Variants in CLEC2A observed in about 807,000 individuals in gnomAD.
CLEC2A encodes C-type lectin domain family 2 member A.
A neutral mutation model predicts 18.6 loss-of-function variants in CLEC2A; 19 were observed. The ratio of observed to expected loss-of-function variants is 1.02; its 90% CI spans 0.71 to 1.50. CLEC2A has a LOEUF of 1.50. CLEC2A is among the 40% of genes most tolerant of loss of function. The probability of loss-of-function intolerance (pLI) is 0.00; values close to 1 mark genes in which losing one functional copy is unlikely to be tolerated. For missense variants in CLEC2A, 190 were observed against 207.9 expected (o/e 0.91, Z 0.53); for synonymous variants, 74 against 64.0 (o/e 1.16, Z -0.75).
At chr12:9,916,152 A>G (rs947630364) in intron 4 of CLEC2A, among the ~76,000 whole-genome samples, 2 of 151,908 alleles carry the variant, frequency 1.3e-5, no homozygotes, top group African/African-American at 2.4e-5. Context: ...ACAATCCTCA[A>G]CCATTTTAAC....
At chr12:9,920,200 C>T (rs1289650941) in intron 3 of CLEC2A, among the ~76,000 whole-genome samples, 1 of 152,180 alleles carries the variant, frequency 6.6e-6, no homozygotes, top group African/African-American at 2.4e-5. Context: ...CGCTGCTCAG[C>T]CTCCTGGATT....
intron 3 of CLEC2A, among the ~76,000 whole-genome samples, chr12:9,920,256 C>A: frequency 6.6e-6 from 1 of 152,074 alleles, no homozygotes; most frequent in South Asian, 2.1e-4. Context: ...CCTCCCTCTT[C>A]GCTGGAGTTT....
chr12:9,882,343 C>G, the CLEC2A span, among the ~76,000 whole-genome samples: 8 of 152,142 alleles, frequency 5.3e-5, no homozygotes, highest in Non-Finnish European at 1.2e-4. Context: ...TCCCCTGCAC[C>G]CCCTGCCCCC....
the CLEC2A span, among the ~76,000 whole-genome samples, chr12:9,885,713 A>G: frequency 6.6e-6 from 1 of 152,002 alleles, no homozygotes; most frequent in Non-Finnish European, 1.5e-5. Flanking sequence ...CTTTTCTCAG[A>G]CCAAAGATAT....
At chr12:9,908,966 T>C (rs1410635444), downstream of CLEC2A, among the ~76,000 whole-genome samples, 1 of 152,234 alleles carries the variant, frequency 6.6e-6, no homozygotes, top group Non-Finnish European at 1.5e-5. Context: ...CTTTTCTTCG[T>C]ATCTTCTCAC....
intron 3 of CLEC2A, among the ~76,000 whole-genome samples, chr12:9,918,661 G>A (rs964475786): frequency 1.3e-5 from 2 of 152,158 alleles, no homozygotes; most frequent in East Asian, 3.8e-4. Context: ...TAGTTTGACA[G>A]GAATAGCATT....
Position 9,907,173 on chromosome 12 carries a change from G to A in CLEC2A, c.411-8197C>T, listed in dbSNP as rs535259065. ...AGGCTACAGGCTGCCTGTGGCTTCC[G>A]TGTTCCTGGGTAAGTACCCCTAAAG... On this transcript the variant is annotated intron_variant, in intron 4 of 4. Coordinates refer to the CLEC2A transcript ENST00000339766. Among the ~76,000 whole-genome samples the A allele has an allele frequency of 7.9e-5, 12 of 152,290 alleles. No homozygotes were observed. The South Asian group carries it at 1.2e-3, about 16-fold the overall frequency.
the CLEC2A span, among the ~76,000 whole-genome samples, chr12:9,878,422 C>T: frequency 6.6e-5 from 10 of 152,100 alleles, no homozygotes; most frequent in African/African-American, 2.2e-4. Flanking sequence ...TCAGCCCACA[C>T]GGAGTTTGAG....
At chr12:9,922,547 A>T (rs1300074654) in intron 2 of CLEC2A, among the ~76,000 whole-genome samples, 1 of 152,226 alleles carries the variant, frequency 6.6e-6, no homozygotes, top group Non-Finnish European at 1.5e-5. Context: ...ATCAAGGTAG[A>T]GTGCTGGAGA....
intron 1 of CLEC2A, among the ~76,000 whole-genome samples, chr12:9,926,917 T>G (rs1863281645): frequency 6.6e-6 from 1 of 152,178 alleles, no homozygotes; most frequent in South Asian, 2.1e-4. Flanking sequence ...GATTTGACAC[T>G]CGTGGAAATG....
At chr12:9,893,130 C>T in the CLEC2A span, 1 of 1,535,140 alleles carries the variant, frequency 6.5e-7, no homozygotes, top group Non-Finnish European at 8.7e-7. Context: ...TACACAGCTA[C>T]AGGCACATTT....
the CLEC2A span, among the ~76,000 whole-genome samples, chr12:9,883,961 T>A: frequency 6.6e-6 from 1 of 152,228 alleles, no homozygotes; most frequent in East Asian, 1.9e-4. Flanking sequence ...GATAAAAGAA[T>A]AAAAAATAGG....
chr12:9,918,430 G>T (rs978411369), intron 3 of CLEC2A, among the ~76,000 whole-genome samples: 7 of 151,904 alleles, frequency 4.6e-5, no homozygotes, highest in African/African-American at 1.7e-4. Context: ...CTTATTTCTG[G>T]GCTCTCTATT....
At chr12:9,909,600 G>A (rs1213073245), downstream of CLEC2A, among the ~76,000 whole-genome samples, 4 of 152,198 alleles carry the variant, frequency 2.6e-5, no homozygotes, top group African/African-American at 9.7e-5. Context: ...TTATGAAGCT[G>A]ATGGCACCCC....
At chr12:9,897,438 G>A (rs374349731), downstream of CLEC2A, among the ~76,000 whole-genome samples, 1 of 152,032 alleles carries the variant, frequency 6.6e-6, no homozygotes, top group African/African-American at 2.4e-5. Flanking sequence ...ATGTGATGCA[G>A]GATCTTTTGC....
At chr12:9,890,217 T>C in the CLEC2A span, among the ~76,000 whole-genome samples, 12 of 152,336 alleles carry the variant, frequency 7.9e-5, no homozygotes, top group East Asian at 2.1e-3. Context: ...CTATAACTCC[T>C]GCATTTGTTT....
At chr12:9,911,502 T>C (rs1295375530), downstream of CLEC2A, among the ~76,000 whole-genome samples, 3 of 152,170 alleles carry the variant, frequency 2.0e-5, no homozygotes, top group Non-Finnish European at 4.4e-5. Context: ...CCAAAAGTAG[T>C]TTATAACCTT....
chr12:9,910,050 C>T (rs112146908), downstream of CLEC2A, among the ~76,000 whole-genome samples: 4,339 of 152,188 alleles, frequency 0.029, 68 homozygotes, highest in Non-Finnish European at 0.035. Context: ...TCTATATCCT[C>T]CAGAGACACA....
chr12:9,897,214 G>A (rs987883546), downstream of CLEC2A, among the ~76,000 whole-genome samples: 1 of 152,054 alleles, frequency 6.6e-6, no homozygotes, highest in Non-Finnish European at 1.5e-5. Context: ...GTACTATGTT[G>A]TAGAAGAGAT....
Sources: gnomAD v4.1 joint callset for allele counts (sites outside exome capture counted in the v4.1 genomes callset) on GRCh38, gnomAD v4.1.1 for gene constraint, MANE v1.5 for transcripts, NCBI Gene and HGNC (gene_info 2026-07-23, HGNC 2026-07-21) for gene names.